Variants in TMEM116 observed in about 807,000 individuals in gnomAD.
TMEM116 encodes transmembrane protein 116.
TMEM116 carries 38 observed loss-of-function variants against 44.3 expected under a neutral mutation model. The ratio of observed to expected loss-of-function variants is 0.86; its 90% confidence interval spans 0.66 to 1.12. The LOEUF (loss-of-function observed/expected upper bound fraction) is 1.12. TMEM116 is among the 50% of genes most tolerant of loss of function. The pLI is 0.00. For synonymous variants in TMEM116, 132 were observed against 144.8 expected (o/e 0.91, Z 0.64); for missense variants, 354 against 401.7 (o/e 0.88, Z 1.01).
Position 111,931,696 on chromosome 12 carries a change from C to G in TMEM116, c.939G>C (p.Lys313Asn). The G allele has an allele frequency of 6.2e-7, 1 of 1,614,096 alleles. No individual in the cohort carries two copies. Among genetic ancestry groups the G allele is most frequent in the Non-Finnish European group, 8.5e-7 (1 of 1,180,008 alleles). ...AATTTAAGCCCCTGCTATAGAATCTCTTCTGTGAGCATAATAATGGTGTCT... is the reference window on the plus strand; with the variant it reads ...AATTTAAGCCCCTGCTATAGAATCTGTTCTGTGAGCATAATAATGGTGTCT... ...DTQTPLLCSQ[K>N]RFYSRGLNSL... The change falls in exon 11 of 11, where the codon AAG (lysine) becomes AAC (asparagine). Residue 313 changes from lysine (K) to asparagine (N), a missense_variant. Transcript: ENST00000552374.
At position 111,983,084 on chromosome 12, in the gene TMEM116, A is replaced by C. The variant is rs140296855; in HGVS notation, c.210+8674T>G. ...GCTGAGGTGGGAAGACCACTTGAGC[A>C]CAGGAGTTCAAGACTAGCCTGGGCA... On this transcript the variant is annotated intron_variant, in intron 4 of 10. Transcript: ENST00000552374. 1.6e-3 allele frequency among the ~76,000 whole-genome samples: 240 copies of C among 151,926 alleles called. 2 individuals are homozygous for C. Among genetic ancestry groups the C allele is most frequent in the African/African-American group, 5.7e-3 (235 of 41,452 alleles).
intron 1 of TMEM116, 133 bp downstream of exon 1, chr12:112,012,869 G>A (rs373956656): frequency 2.2e-4 from 34 of 153,310 alleles, no homozygotes; most frequent in Middle Eastern, 1.4e-3. Flanking sequence ...GGCCTAAGAG[G>A]GCCCTGCTTG....
chr12:111,991,880 G>A lies in TMEM116; in HGVS notation c.88C>T (p.Leu30Phe), dbSNP rs1039862545. The A allele has an allele frequency of 6.5e-7, 1 of 1,535,266 alleles. No individual in the cohort carries two copies. The highest frequency in any genetic ancestry group is 1.2e-5 in the South Asian group (1 of 84,018). Residue 30 changes from leucine (L) to phenylalanine (F), a missense_variant, in exon 4 of 11, where the codon CTT (leucine) becomes TTT (phenylalanine). By Grantham distance (22) the Leu-to-Phe change is conservative. Transcript: ENST00000552374. Reference sequence around the variant, plus strand: ...AGGTCACAGAAGCTCAGATAAAAAAGTGGTCTTATCTGTCAAAGTAATAAA... The same window carrying A: ...AGGTCACAGAAGCTCAGATAAAAAAATGGTCTTATCTGTCAAAGTAATAAA... ...NIQKSPEIRP[L>F]FYLSFCDLLL...
intron 1 of TMEM116, chr12:112,005,530 T>G (rs1027704557): frequency 6.1e-5 from 29 of 477,318 alleles, no homozygotes; most frequent in African/African-American, 5.1e-4. Context: ...TATGATTTTT[T>G]AAAAAATAGA....
chr12:112,000,678 G>C (rs1332779673), intron 3 of TMEM116: 2 of 498,670 alleles, frequency 4.0e-6, no homozygotes, highest in African/African-American at 3.9e-5. Flanking sequence ...TTCCAATAAT[G>C]ACCTAAATAA....
chr12:111,940,565 G>GTATATA lies in TMEM116; in HGVS notation c.316-2356_316-2355insTATATA, dbSNP rs1182152145. On this transcript the variant is annotated intron_variant, in intron 5 of 10. Transcript: ENST00000552374. ...TATATACACACACACATATATATGT[G>GTATATA]TGTATATATATATATATATCTTCGG... Among the ~76,000 whole-genome samples, 16 of 127,944 alleles carry GTATATA rather than the reference G, an allele frequency of 1.3e-4. 1 individual carries two copies. In the East Asian group the frequency reaches 4.9e-3, roughly 39 times the overall value. The allele number at this position is 127,944 out of a possible 152,430, so 83.9% of individuals were successfully genotyped here.
intron 4 of TMEM116, chr12:111,978,822 CAT>C (rs1442587838): frequency 2.4e-6 from 1 of 424,942 alleles, no homozygotes; most frequent in South Asian, 1.7e-5. Context: ...TTAAGTCACA[CAT>C]TGTATGGTAA....
rs2073720934 is a variant in TMEM116, at chr12:111,951,416, TA to T, written c.211-8048del. 2.0e-5 allele frequency among the ~76,000 whole-genome samples: 3 copies of T among 152,300 alleles called. No individual in the cohort carries two copies. In the South Asian group the frequency reaches 6.2e-4, roughly 32 times the overall value. ...CAATAGCAAAGACATAGAATCAACC[TA>T]AATGTCCATCAATGGTAGACTGGAT... On this transcript the variant is annotated intron_variant, in intron 4 of 10. Coordinates refer to ENST00000552374, the MANE Select transcript of TMEM116 (RefSeq NM_001193531.2).
intron 3 of TMEM116, 76 bp from the exon 4 acceptor site, chr12:111,991,965 T>TG: frequency 7.0e-7 from 1 of 1,421,120 alleles, no homozygotes; most frequent in Non-Finnish European, 9.3e-7. Context: ...GTTCTTACAT[T>TG]TTATGTTTCT....
At chr12:111,957,307 C>T (rs918798044) in intron 4 of TMEM116, among the ~76,000 whole-genome samples, 2 of 151,904 alleles carry the variant, frequency 1.3e-5, no homozygotes, top group African/African-American at 4.8e-5. Flanking sequence ...AGGAGTGTCT[C>T]TGCCCCGCCG....
At chr12:111,984,419 G>T (rs1322591929) in intron 4 of TMEM116, among the ~76,000 whole-genome samples, 1 of 152,122 alleles carries the variant, frequency 6.6e-6, no homozygotes, top group East Asian at 1.9e-4. Context: ...CCAGAAGCTG[G>T]GAGGGGTAGT....
intron 2 of TMEM116, among the ~76,000 whole-genome samples, chr12:112,004,296 T>G (rs2077453668): frequency 6.6e-6 from 1 of 151,872 alleles, no homozygotes; most frequent in Non-Finnish European, 1.5e-5. Flanking sequence ...ATATTTTTTT[T>G]TTTTTAGAGG....
intron 4 of TMEM116, among the ~76,000 whole-genome samples, chr12:111,981,675 C>T (rs763381856): frequency 2.6e-5 from 4 of 152,026 alleles, no homozygotes; most frequent in African/African-American, 9.7e-5. Flanking sequence ...GCAGAGAGAA[C>T]CAAAAGCCTG....
intron 4 of TMEM116, among the ~76,000 whole-genome samples, chr12:111,951,618 T>C (rs924875255): frequency 6.6e-6 from 1 of 151,900 alleles, no homozygotes; most frequent in Non-Finnish European, 1.5e-5. Context: ...ATGATGGGAA[T>C]ACATGGACAC....
Position 111,988,723 on chromosome 12 carries a change from G to A in TMEM116, c.210+3035C>T, listed in dbSNP as rs371386097. 4.6e-5 allele frequency among the ~76,000 whole-genome samples: 7 copies of A among 151,300 alleles called. No individual in the cohort carries two copies. The East Asian group carries it at 1.2e-3, about 25-fold the overall frequency. On this transcript the variant is annotated intron_variant, in intron 4 of 10. Coordinates refer to ENST00000552374, the MANE Select transcript of TMEM116 (RefSeq NM_001193531.2). ...AAAAAACGAACAGGCCGGGCGCGGT[G>A]GCTCACGCCTGAAATCCCAGCACTT...
chr12:111,991,146 G>A (rs1350910208), intron 4 of TMEM116, among the ~76,000 whole-genome samples: 2 of 148,876 alleles, frequency 1.3e-5, no homozygotes, highest in Non-Finnish European at 3.0e-5. Context: ...TTGAACCTAG[G>A]AGGCGGAGGT....
chr12:111,969,320 C>CAAA (rs540048259), intron 4 of TMEM116, among the ~76,000 whole-genome samples: 6 of 86,808 alleles, frequency 6.9e-5, no homozygotes, highest in South Asian at 3.6e-4. Context: ...CGCTCCATCT[C>CAAA]AAAAAAAAAA....
At position 111,931,817 on chromosome 12, in the gene TMEM116, G is replaced by A; in HGVS notation, c.818C>T (p.Ala273Val). The A allele has an allele frequency of 6.6e-7, 1 of 1,519,050 alleles. No individual in the cohort carries two copies. Among genetic ancestry groups the A allele is most frequent in the African/African-American group, 1.4e-5 (1 of 71,130 alleles). The allele number at this position is 1,519,050 out of a possible 1,614,324, so 94.1% of individuals were successfully genotyped here. A position where few individuals can be genotyped will look rare whatever the true frequency, so the allele number is the denominator to read the frequency against. ...MALYVLQALTATSQGLLNCGV... is the reference protein window; with the variant it reads ...MALYVLQALTVTSQGLLNCGV... Reference sequence around the variant, plus strand: ...ACAGTTGAGTAGACCCTGAGATGTTGCCGTTAGAGCCTGGAGGAGATGAAG... The same window carrying A: ...ACAGTTGAGTAGACCCTGAGATGTTACCGTTAGAGCCTGGAGGAGATGAAG... The change falls in exon 11 of 11, where the codon GCA (alanine) becomes GTA (valine). Residue 273 changes from alanine to valine, a missense_variant. Coordinates refer to ENST00000552374, the MANE Select transcript of TMEM116 (RefSeq NM_001193531.2).
At chr12:111,947,529 T>A (rs2073383365) in intron 4 of TMEM116, among the ~76,000 whole-genome samples, 1 of 152,210 alleles carries the variant, frequency 6.6e-6, no homozygotes, top group Admixed American at 6.5e-5. Context: ...TGTTCCAAAA[T>A]TGTACAAAAC....
Sources: gnomAD v4.1 joint callset for allele counts (sites outside exome capture counted in the v4.1 genomes callset) on GRCh38, gnomAD v4.1.1 for gene constraint, MANE v1.5 for transcripts, NCBI Gene and HGNC (gene_info 2026-07-23, HGNC 2026-07-21) for gene names.